Variants in SLC17A5 observed in about 807,000 individuals in gnomAD.
SLC17A5 encodes the protein sialin.
SLC17A5 carries 47 observed loss-of-function variants against 59.4 expected under a neutral mutation model. That is an observed-to-expected ratio of 0.79 (90% confidence interval 0.63 to 1.01). The LOEUF (loss-of-function observed/expected upper bound fraction) is 1.01, where lower values mean the gene tolerates loss of function less well. Among genes scored for constraint, SLC17A5 ranks in the 50% least tolerant of loss-of-function variants. The probability of loss-of-function intolerance (pLI) is 0.00; values close to 1 mark genes in which losing one functional copy is unlikely to be tolerated. For synonymous variants in SLC17A5, 202 were observed against 210.7 expected, an observed-to-expected ratio of 0.96 and a Z score of 0.36; for missense variants, 522 against 595.5, an observed-to-expected ratio of 0.88 and a Z score of 1.28.
rs886061724 is a variant in SLC17A5 at position 73,593,381 on chromosome 6, A to G, written c.*1696T>C. On this transcript the variant is annotated 3_prime_UTR_variant, in exon 11 of 11. Coordinates refer to ENST00000355773, the MANE Select transcript of SLC17A5 (RefSeq NM_012434.5). ...CACAGAACTGTCAGATCCAAAAATC[A>G]ATTCACAAAGGTTTATTTTGATGAT... 4.6e-5 allele frequency: 7 copies of G among 152,266 alleles called. No homozygotes were observed. 9.4% of individuals were successfully genotyped at this position (152,266 alleles called of 1,614,324 possible).
Position 73,653,878 on chromosome 6 carries a change from A to T in SLC17A5, c.9T>A (p.Ser3=), listed in dbSNP as rs372127642. 9 of 1,605,994 alleles carry T rather than the reference A, an allele frequency of 5.6e-6. No individual in the cohort carries two copies. Among genetic ancestry groups the T allele is most frequent in the Non-Finnish European group, 6.8e-6 (8 of 1,177,036 alleles). Reference sequence around the variant, plus strand: ...CGTTCCGGGCCAGGTCTCGAACCGGAGACCTCATGACGCCTACGTGAGCAG... The same window carrying T: ...CGTTCCGGGCCAGGTCTCGAACCGGTGACCTCATGACGCCTACGTGAGCAG... MR[S]PVRDLARNDG... Residue 3 remains serine, a synonymous_variant, in exon 1 of 11, where the codon TCT becomes TCA. Coordinates refer to ENST00000355773, the MANE Select transcript of SLC17A5 (RefSeq NM_012434.5).
chr6:73,653,427 G>C (rs1417545785), intron 1 of SLC17A5: 3 of 985,346 alleles, frequency 3.0e-6, no homozygotes, highest in East Asian at 2.3e-4. Context: ...CTCCCAGTTC[G>C]TTCTTCCACT....
intron 2 of SLC17A5, among the ~76,000 whole-genome samples, chr6:73,642,331 G>T (rs986184996): frequency 3.9e-5 from 6 of 151,926 alleles, no homozygotes; most frequent in Admixed American, 2.6e-4. Flanking sequence ...GCTTAATCCA[G>T]AAAGCTATTA....
At chr6:73,621,189 G>A (rs1418737098) in intron 7 of SLC17A5, among the ~76,000 whole-genome samples, 2 of 152,068 alleles carry the variant, frequency 1.3e-5, no homozygotes, top group African/African-American at 4.8e-5. Context: ...ATTTTTAGTA[G>A]AGATGAGGTT....
intron 1 of SLC17A5, among the ~76,000 whole-genome samples, chr6:73,647,667 A>G (rs1339363482): frequency 2.0e-5 from 3 of 152,240 alleles, no homozygotes; most frequent in Non-Finnish European, 4.4e-5. Flanking sequence ...GAAATGAAAG[A>G]AAGGTAAGTA....
chr6:73,602,401 TC>T (rs1767178812), intron 9 of SLC17A5, among the ~76,000 whole-genome samples: 1 of 143,466 alleles, frequency 7.0e-6, no homozygotes, highest in Admixed American at 7.0e-5. Flanking sequence ...CCCTGCCAAA[TC>T]CCCCTCTGTG....
chr6:73,612,317 G>A (rs751949747), intron 8 of SLC17A5, among the ~76,000 whole-genome samples: 5 of 151,798 alleles, frequency 3.3e-5, no homozygotes, highest in East Asian at 1.9e-4. Context: ...ACACCACCAC[G>A]CCAAGCTAAT....
At chr6:73,610,962 C>T (rs1767615381) in intron 8 of SLC17A5, among the ~76,000 whole-genome samples, 1 of 152,156 alleles carries the variant, frequency 6.6e-6, no homozygotes, top group African/African-American at 2.4e-5. Context: ...CTCCATCTTG[C>T]CTGGGTGTGG....
intron 6 of SLC17A5, among the ~76,000 whole-genome samples, chr6:73,624,454 GT>G (rs559490582): frequency 1.1e-4 from 17 of 152,040 alleles, no homozygotes; most frequent in African/African-American, 3.4e-4. Context: ...TAGCAAAGAA[GT>G]TTTTTTCTAT....
chr6:73,599,344 G>A (rs1766954942), intron 10 of SLC17A5, among the ~76,000 whole-genome samples: 1 of 152,072 alleles, frequency 6.6e-6, no homozygotes, highest in South Asian at 2.1e-4. Flanking sequence ...CTAAGTAGCT[G>A]GGACTACAGG....
chr6:73,630,767 C>G (rs1768663864), intron 6 of SLC17A5, among the ~76,000 whole-genome samples: 1 of 152,122 alleles, frequency 6.6e-6, no homozygotes, highest in African/African-American at 2.4e-5. Flanking sequence ...AGCAGTCAGG[C>G]CGGGTGTGGT....
At chr6:73,608,286 G>A (rs1481573316) in intron 9 of SLC17A5, among the ~76,000 whole-genome samples, 4 of 152,112 alleles carry the variant, frequency 2.6e-5, no homozygotes, top group Non-Finnish European at 5.9e-5. Flanking sequence ...TGGTTCATGT[G>A]ACTCAGTTTG....
At chr6:73,643,633 C>G (rs549291420) in intron 2 of SLC17A5, among the ~76,000 whole-genome samples, 1 of 151,988 alleles carries the variant, frequency 6.6e-6, no homozygotes, top group Non-Finnish European at 1.5e-5. Flanking sequence ...TGTGCTACCA[C>G]GCCCAGCTAA....
chr6:73,653,886 TG>T lies in SLC17A5; in HGVS notation c.-1del. ...GCCAGGTCTCGAACCGGAGACCTCA[TG>T]ACGCCTACGTGAGCAGGTGTACTCG... On this transcript the variant is annotated 5_prime_UTR_variant, in exon 1 of 11. Transcript: ENST00000355773. 1 of 1,604,694 alleles carries T rather than the reference TG, an allele frequency of 6.2e-7. No homozygotes were observed. The highest frequency in any genetic ancestry group is 8.5e-7 in the Non-Finnish European group (1 of 1,176,216).
intron 6 of SLC17A5, 22 bp from the exon 7 acceptor site, chr6:73,621,984 A>C: frequency 6.2e-7 from 1 of 1,612,204 alleles, no homozygotes; most frequent in African/African-American, 1.3e-5. Flanking sequence ...AGGAATAATT[A>C]GGATAAACTA....
chr6:73,616,897 G>A (rs1412402323), intron 7 of SLC17A5, among the ~76,000 whole-genome samples: 3 of 152,068 alleles, frequency 2.0e-5, no homozygotes, highest in Admixed American at 6.6e-5. Flanking sequence ...ATGAGCCACC[G>A]CGCCTGGCCT....
chr6:73,604,036 C>T (rs1767284434), intron 9 of SLC17A5, among the ~76,000 whole-genome samples: 1 of 152,046 alleles, frequency 6.6e-6, no homozygotes, highest in Non-Finnish European at 1.5e-5. Context: ...AAAACTTGTG[C>T]ATACACACAG....
chr6:73,619,879 A>G (rs895132860), intron 7 of SLC17A5, among the ~76,000 whole-genome samples: 5 of 151,212 alleles, frequency 3.3e-5, no homozygotes, highest in African/African-American at 1.2e-4. Context: ...AATATACTTT[A>G]TAAGTAAAAT....
intron 9 of SLC17A5, among the ~76,000 whole-genome samples, chr6:73,600,959 C>G (rs1297245395): frequency 6.6e-6 from 1 of 152,112 alleles, no homozygotes; most frequent in South Asian, 2.1e-4. Flanking sequence ...TAGGCCCGGC[C>G]GCCACCCCGT....
Sources: gnomAD v4.1 joint callset for allele counts (sites outside exome capture counted in the v4.1 genomes callset) on GRCh38, gnomAD v4.1.1 for gene constraint, MANE v1.5 for transcripts, NCBI Gene and HGNC (gene_info 2026-07-23, HGNC 2026-07-21) for gene names.